The following PPFIA4 variants were observed in gnomAD, a reference collection of about 807,000 sequenced individuals.
The protein encoded by PPFIA4 is liprin-alpha-4.
PPFIA4 carries 98 observed loss-of-function variants against 145.7 expected under a neutral mutation model. The observed-to-expected ratio is 0.67, with a 90% confidence interval of 0.57 to 0.80. The LOEUF (loss-of-function observed/expected upper bound fraction) is 0.80, where lower values mean the gene tolerates loss of function less well. Ranked by LOEUF, PPFIA4 falls within the 30% of genes least tolerant of loss-of-function variation. The pLI, the probability that PPFIA4 is intolerant of heterozygous loss-of-function variation, is 0.00. For missense variants in PPFIA4, 1,457 were observed against 1,632.7 expected (o/e 0.89, Z 1.85); for synonymous variants, 628 against 649.6 (o/e 0.97, Z 0.51).
chr1:203,044,020 G>C lies in PPFIA4; in HGVS notation c.426G>C (p.Ser142=). 1.2e-6 allele frequency: 2 copies of C among 1,612,424 alleles called. No individual in the cohort carries two copies. Among genetic ancestry groups the C allele is most frequent in the Non-Finnish European group, 8.5e-7 (1 of 1,179,694 alleles). Residue 142 remains serine (S), a synonymous_variant, in exon 4 of 30, where the codon TCG becomes TCC. Coordinates refer to ENST00000295706, the MANE Select transcript of PPFIA4 (RefSeq NM_001304331.2). ...TGAAGCGCCAGGCCCAGTCACCTTC[G>C]GGGGTCTCCAGTGAGGTGGAGGTGC... ...TVVKRQAQSP[S]GVSSEVEVLK...
intron 28 of PPFIA4, among the ~76,000 whole-genome samples, chr1:203,074,081 G>C (rs1345396092): frequency 6.6e-6 from 1 of 152,182 alleles, no homozygotes; most frequent in Non-Finnish European, 1.5e-5. Flanking sequence ...GAGAAAGAAA[G>C]TGAAAGGCAT....
In PPFIA4 at chr1:203,048,650, TCAGCGAGTCCAACGAGCGTCTG is replaced by T; in HGVS notation, c.1297_1318del (p.Glu433SerfsTer3). 6.2e-7 allele frequency: 1 copy of T among 1,606,612 alleles called. No individual in the cohort carries two copies. Among genetic ancestry groups the T allele is most frequent in the Non-Finnish European group, 8.5e-7 (1 of 1,177,580 alleles). On this transcript the variant is annotated frameshift_variant, in exon 11 of 30. Coordinates refer to ENST00000295706, the MANE Select transcript of PPFIA4 (RefSeq NM_001304331.2). LOFTEE classifies it high-confidence loss of function. The surrounding 1 kb of genome is among the most constrained non-coding windows in gnomAD (Gnocchi z 5.8). ...CTGTCGGACACAGTGGACCGGCTGCTCAGCGAGTCCAACGAGCGTCTGCAGCTCCACCTGAAGGAGCGCATGG... is the reference window on the plus strand; with the variant it reads ...CTGTCGGACACAGTGGACCGGCTGCTCAGCTCCACCTGAAGGAGCGCATGG...
rs1025091221 is a variant in PPFIA4, at chr1:203,043,703, A to G, written c.336+205A>G. On this transcript the variant is annotated intron_variant, in intron 3 of 29. Transcript: ENST00000295706. The surrounding 1 kb of genome is among the most constrained non-coding windows in gnomAD (Gnocchi z 4.4). ...CACCAGTGCTGGGCTCTCCACCTGT[A>G]GTTGCTGGTTCACAGAAAGCTCAGG... 3.9e-5 allele frequency among the ~76,000 whole-genome samples: 6 copies of G among 152,058 alleles called. No individual in the cohort carries two copies. The highest frequency in any genetic ancestry group is 8.8e-5 in the Non-Finnish European group (6 of 68,004).
At chr1:203,064,491 G>A (rs533397380) in intron 25 of PPFIA4, among the ~76,000 whole-genome samples, 1 of 152,196 alleles carries the variant, frequency 6.6e-6, no homozygotes, top group South Asian at 2.1e-4. Flanking sequence ...CTTTTTATAG[G>A]ATATCATCCA....
Position 203,076,390 on chromosome 1 carries a change from G to T in PPFIA4, c.3624G>T (p.Ter1208TyrextTer32), listed in dbSNP as rs1662549201. Residue 1208 changes from the stop codon to tyrosine (Y), a stop_lost, in exon 30 of 30, where the codon TAG becomes TAT. Coordinates refer to ENST00000295706, the MANE Select transcript of PPFIA4 (RefSeq NM_001304331.2). ...ACATGCTCTCCGCCTTCCGGGACTAGCCATGGCCCCCAGGGCTGGCTTCCT... is the reference window on the plus strand; with the variant it reads ...ACATGCTCTCCGCCTTCCGGGACTATCCATGGCCCCCAGGGCTGGCTTCCT... ...YGHMLSAFRD* is the reference protein window; with the variant it reads ...YGHMLSAFRDY 1.9e-6 allele frequency: 3 copies of T among 1,608,320 alleles called. No homozygotes were observed. The highest frequency in any genetic ancestry group is 4.5e-5 in the East Asian group (2 of 44,890).
At chr1:203,034,302 C>G (rs906528195) in intron 1 of PPFIA4, among the ~76,000 whole-genome samples, 21 of 152,006 alleles carry the variant, frequency 1.4e-4, no homozygotes, top group African/African-American at 5.1e-4. Flanking sequence ...GGGAGCAGAC[C>G]TCAGTGAGCA....
chr1:203,056,732 C>T, intron 18 of PPFIA4, 52 bp from the exon 19 acceptor site: 2 of 1,443,864 alleles, frequency 1.4e-6, no homozygotes, highest in South Asian at 1.2e-5. Flanking sequence ...TTCCTGCTGT[C>T]ACTTAAGTAT....
In PPFIA4 at chr1:203,049,892, C is replaced by G. The variant is rs898833018; in HGVS notation, c.1511+125C>G. ...TCCTCCTCCTGTTCAGGGTGGGACA[C>G]TGAGGCTCAGATAACTTGGTCAGAG... On this transcript the variant is annotated intron_variant, in intron 13 of 29. Transcript: ENST00000295706. The G allele has an allele frequency of 1.7e-5, 14 of 821,346 alleles. No individual in the cohort carries two copies. The African/African-American group carries it at 2.0e-4, about 12-fold the overall frequency. 50.9% of individuals were successfully genotyped at this position (821,346 alleles called of 1,614,324 possible).
At chr1:203,035,521 A>ACCCACT (rs773832515) in intron 1 of PPFIA4, 1 of 455,832 alleles carries the variant, frequency 2.2e-6, no homozygotes, top group South Asian at 1.6e-5. Context: ...GCACACTCAC[A>ACCCACT]CCCACTCACT....
At chr1:203,076,268 A>G (rs1662534606) in intron 29 of PPFIA4, 73 bp from the exon 30 acceptor site, 2 of 1,504,848 alleles carry the variant, frequency 1.3e-6, no homozygotes, top group Non-Finnish European at 1.8e-6. Context: ...TGTCGCACAC[A>G]TCCTACAACC....
chr1:203,058,757 C>T (rs1000361964), intron 19 of PPFIA4, among the ~76,000 whole-genome samples: 1 of 152,180 alleles, frequency 6.6e-6, no homozygotes, highest in Non-Finnish European at 1.5e-5. Flanking sequence ...GGCTCAGAGA[C>T]ACAGCTCTCA....
In PPFIA4 at chr1:203,048,328, G is replaced by A. The variant is rs1043599226; in HGVS notation, c.1224+18G>A. 3.1e-6 allele frequency: 5 copies of A among 1,608,228 alleles called. No individual in the cohort carries two copies. In the Admixed American group the frequency reaches 5.0e-5, roughly 16 times the overall value. ...TGGCACGGGTGAGGGCACCAGGCCG[G>A]GCCCTCAGGCCCCCTCCTTCCCGCA... is the stretch of plus-strand genomic sequence containing the variant. On this transcript the variant is annotated intron_variant, in intron 10 of 29. Coordinates refer to ENST00000295706, the MANE Select transcript of PPFIA4 (RefSeq NM_001304331.2). The surrounding 1 kb of genome is among the most constrained non-coding windows in gnomAD (Gnocchi z 5.8).
intron 1 of PPFIA4, chr1:203,035,733 A>G (rs1659200546): frequency 9.0e-6 from 4 of 442,690 alleles, no homozygotes; most frequent in Non-Finnish European, 1.4e-5. Context: ...CTGGAGCCAG[A>G]AGGAGCTGGA....
In PPFIA4 at chr1:203,043,906, C is replaced by G; in HGVS notation, c.337-25C>G. 6.4e-7 allele frequency: 1 copy of G among 1,573,054 alleles called. No homozygotes were observed. The highest frequency in any genetic ancestry group is 8.6e-7 in the Non-Finnish European group (1 of 1,157,706). On this transcript the variant is annotated intron_variant, in intron 3 of 29. Coordinates refer to ENST00000295706, the MANE Select transcript of PPFIA4 (RefSeq NM_001304331.2). The surrounding 1 kb of genome is among the most constrained non-coding windows in gnomAD (Gnocchi z 4.4). ...GGCACATGCTTACAGCCCTCCCTCTCACCCTCCCCTGCTCTCCCTGCCAGC... is the reference window on the plus strand; with the variant it reads ...GGCACATGCTTACAGCCCTCCCTCTGACCCTCCCCTGCTCTCCCTGCCAGC...
chr1:203,064,277 C>T (rs542065664), intron 25 of PPFIA4, among the ~76,000 whole-genome samples: 102 of 152,346 alleles, frequency 6.7e-4, no homozygotes, highest in African/African-American at 2.3e-3. Context: ...TCTTTAGCTT[C>T]ACCTCCTTTG....
In PPFIA4 at chr1:203,048,825, C is replaced by T. The variant is rs569025586; in HGVS notation, c.1357-93C>T. 1.3e-4 allele frequency: 198 copies of T among 1,532,176 alleles called. 1 individual carries two copies. The African/African-American group carries it at 2.2e-3, about 17-fold the overall frequency. 94.9% of individuals were successfully genotyped at this position (1,532,176 alleles called of 1,614,324 possible). On this transcript the variant is annotated intron_variant, in intron 11 of 29. Transcript: ENST00000295706. The surrounding 1 kb of genome is among the most constrained non-coding windows in gnomAD (Gnocchi z 5.8). ...GGTCTCAATGGGGTGGGTGGCCAGCCTGGAGAGGTGGGGCTGAGACTGCAC... is the reference window on the plus strand; with the variant it reads ...GGTCTCAATGGGGTGGGTGGCCAGCTTGGAGAGGTGGGGCTGAGACTGCAC...
chr1:203,046,263 C>G lies in PPFIA4; in HGVS notation c.1021C>G (p.Arg341Gly), dbSNP rs748947692. 6.3e-7 allele frequency: 1 copy of G among 1,593,920 alleles called. No homozygotes were observed. The highest frequency in any genetic ancestry group is 1.3e-5 in the African/African-American group (1 of 74,616). The stretch of plus-strand genomic sequence containing the variant: ...ACATTGCTAGTGTGAGGAGAAGGCC[C>G]GACACCTGCAGGAGCTGCTGGAGGT... ...SLHRQCEEKA[R>G]HLQELLEVAE... The change falls in exon 9 of 30, where the codon CGA (arginine) becomes GGA (glycine). Residue 341 changes from arginine (R) to glycine (G), a missense_variant. This residue lies in a region of PPFIA4 where 463 missense variants were observed against 459.8 expected (regional missense o/e 1.01). Transcript: ENST00000295706.
chr1:203,055,816 C>A lies in PPFIA4; in HGVS notation c.2070+144C>A. The A allele has an allele frequency of 7.6e-7, 1 of 1,319,374 alleles. No individual in the cohort carries two copies. Among genetic ancestry groups the A allele is most frequent in the Non-Finnish European group, 1.0e-6 (1 of 961,948 alleles). The allele number at this position is 1,319,374 out of a possible 1,614,324, so 81.7% of individuals were successfully genotyped here. ...TGCAGACCCCGACATGTCAGGCCAC[C>A]AGCCTGTCCTTCTGGGTTTGGGAAG... is the stretch of plus-strand genomic sequence containing the variant. On this transcript the variant is annotated intron_variant, in intron 16 of 29. Transcript: ENST00000295706. The surrounding 1 kb of genome is among the most constrained non-coding windows in gnomAD (Gnocchi z 4.8).
intron 26 of PPFIA4, among the ~76,000 whole-genome samples, 168 bp downstream of exon 26, chr1:203,067,960 C>G (rs1030974148): frequency 6.6e-6 from 1 of 152,074 alleles, no homozygotes; most frequent in Non-Finnish European, 1.5e-5. Flanking sequence ...AGACATAGTC[C>G]ATGCCAAGTT....
Sources: allele counts gnomAD v4.1 joint callset (sites outside exome capture counted in the v4.1 genomes callset), GRCh38; gene constraint gnomAD v4.1.1; regional missense constraint gnomAD v4.1.1; non-coding constraint Gnocchi (gnomAD v3.1); transcripts MANE v1.5; gene names NCBI Gene and HGNC (gene_info 2026-07-23, HGNC 2026-07-21).